The following KCNQ3 variants were observed in gnomAD, a reference collection of about 807,000 sequenced individuals.
KCNQ3 encodes potassium voltage-gated channel subfamily Q member 3.
KCNQ3 carries 30 observed loss-of-function variants against 92.5 expected under a neutral mutation model. The observed-to-expected ratio is 0.32, with a 90% confidence interval of 0.24 to 0.44. The LOEUF (loss-of-function observed/expected upper bound fraction) is 0.44. Ranked by LOEUF, KCNQ3 falls within the 20% of genes least tolerant of loss-of-function variation. KCNQ3 has a pLI of 1.00. For synonymous variants in KCNQ3, 450 were observed against 468.8 expected (o/e 0.96, Z 0.52); for missense variants, 913 against 1,140.3 (o/e 0.80, Z 2.87).
chr8:132,363,359 A>T (rs1819224166), intron 1 of KCNQ3, among the ~76,000 whole-genome samples: 2 of 152,168 alleles, frequency 1.3e-5, no homozygotes. Flanking sequence ...AGTGTTTCCC[A>T]AATTATCTGG....
intron 1 of KCNQ3, among the ~76,000 whole-genome samples, chr8:132,306,160 C>G (rs1341705207): frequency 6.6e-6 from 1 of 152,182 alleles, no homozygotes; most frequent in Non-Finnish European, 1.5e-5. Flanking sequence ...TTCTACTACT[C>G]TGGACTGAAC....
At chr8:132,392,790 C>CAAAAAAAAAAA (rs56183412) in intron 1 of KCNQ3, among the ~76,000 whole-genome samples, 6 of 72,648 alleles carry the variant, frequency 8.3e-5, no homozygotes, top group Non-Finnish European at 1.2e-4. Flanking sequence ...GAACCTGTCT[C>CAAAAAAAAAAA]AAAAAAAAAA....
At chr8:132,218,929 C>T (rs1032363556) in intron 1 of KCNQ3, among the ~76,000 whole-genome samples, 1 of 152,112 alleles carries the variant, frequency 6.6e-6, no homozygotes. Context: ...ACTGTGCATG[C>T]TTTGTTACTG....
intron 1 of KCNQ3, among the ~76,000 whole-genome samples, chr8:132,316,947 G>A (rs983220771): frequency 6.6e-6 from 1 of 152,124 alleles, no homozygotes; most frequent in Non-Finnish European, 1.5e-5. Context: ...CTCTGGACAG[G>A]GGCTGCTGGA....
In KCNQ3 at chr8:132,129,543, G is replaced by T. The variant is rs138852641; in HGVS notation, c.2338C>A (p.Arg780Ser). ...YSDRISPRQR[R>S]SITRDSDTPL... ...GTGTCACTGTCTCGCGTGATGCTACGTCTCTGCCGGGGGGAGATTCGGTCC... is the reference window on the plus strand; with the variant it reads ...GTGTCACTGTCTCGCGTGATGCTACTTCTCTGCCGGGGGGAGATTCGGTCC... The change falls in exon 15 of 15, where the codon CGT (arginine) becomes AGT (serine). Residue 780 changes from arginine to serine, a missense_variant. By Grantham distance (110) the Arg-to-Ser change is moderately radical. Coordinates refer to ENST00000388996, the MANE Select transcript of KCNQ3 (RefSeq NM_004519.4). The surrounding 1 kb of genome is among the most constrained non-coding windows in gnomAD (Gnocchi z 5.9). The T allele has an allele frequency of 6.2e-7, 1 of 1,614,206 alleles. No homozygotes were observed. The highest frequency in any genetic ancestry group is 1.1e-5 in the South Asian group (1 of 91,086).
chr8:132,319,063 G>C (rs917855410), intron 1 of KCNQ3, among the ~76,000 whole-genome samples: 3 of 152,190 alleles, frequency 2.0e-5, no homozygotes, highest in African/African-American at 7.2e-5. Flanking sequence ...TTTAAAAAGT[G>C]GGATAAAGCA....
intron 1 of KCNQ3, among the ~76,000 whole-genome samples, chr8:132,371,948 G>A (rs1309624232): frequency 1.3e-5 from 2 of 152,156 alleles, no homozygotes; most frequent in African/African-American, 2.4e-5. Context: ...GGGGGGATTT[G>A]TAGCAATTTA....
intron 1 of KCNQ3, among the ~76,000 whole-genome samples, chr8:132,307,992 G>A (rs1486013404): frequency 6.6e-6 from 1 of 152,152 alleles, no homozygotes; most frequent in Non-Finnish European, 1.5e-5. Context: ...CCCGGAGGAT[G>A]GCAACCCTTG....
intron 1 of KCNQ3, among the ~76,000 whole-genome samples, chr8:132,272,014 C>T (rs1025767998): frequency 3.9e-5 from 6 of 152,138 alleles, no homozygotes; most frequent in Admixed American, 2.0e-4. Flanking sequence ...GAAGCAGAAC[C>T]GAGACATTTT....
chr8:132,399,892 G>A (rs1481480011), intron 1 of KCNQ3, among the ~76,000 whole-genome samples: 2 of 152,216 alleles, frequency 1.3e-5, no homozygotes, highest in Non-Finnish European at 1.5e-5. Context: ...CATCAGAGGA[G>A]TTAAGAAAGG....
At chr8:132,384,756 C>G (rs1048543782) in intron 1 of KCNQ3, among the ~76,000 whole-genome samples, 1 of 152,190 alleles carries the variant, frequency 6.6e-6, no homozygotes, top group African/African-American at 2.4e-5. Flanking sequence ...TAAAGTCACA[C>G]AGTTTAGGTT....
At chr8:132,136,695 A>G (rs1306443110) in intron 12 of KCNQ3, among the ~76,000 whole-genome samples, 1 of 152,206 alleles carries the variant, frequency 6.6e-6, no homozygotes, top group Non-Finnish European at 1.5e-5. Flanking sequence ...CACACATGAC[A>G]TATAAACATA....
chr8:132,279,997 G>A (rs915828138), intron 1 of KCNQ3, among the ~76,000 whole-genome samples: 2 of 152,096 alleles, frequency 1.3e-5, no homozygotes, highest in East Asian at 3.9e-4. Flanking sequence ...TGTTTATTCA[G>A]CATAATTTAC....
At chr8:132,268,431 G>A (rs376022318) in intron 1 of KCNQ3, among the ~76,000 whole-genome samples, 1 of 152,008 alleles carries the variant, frequency 6.6e-6, no homozygotes. Flanking sequence ...GCTAAATTTT[G>A]TATTTTTAGT....
chr8:132,452,062 G>T (rs776571443), intron 1 of KCNQ3, among the ~76,000 whole-genome samples: 32 of 152,036 alleles, frequency 2.1e-4, no homozygotes, highest in Admixed American at 9.2e-4. Flanking sequence ...TGGGTTTTTC[G>T]TTTGTTTGTC....
chr8:132,284,338 A>G (rs1021730570), intron 1 of KCNQ3, among the ~76,000 whole-genome samples: 4 of 152,198 alleles, frequency 2.6e-5, no homozygotes, highest in Admixed American at 2.6e-4. Context: ...CTCAGAAAGA[A>G]GAAACTCAAG....
intron 1 of KCNQ3, among the ~76,000 whole-genome samples, chr8:132,229,832 A>G (rs1049706630): frequency 4.6e-5 from 7 of 152,174 alleles, no homozygotes; most frequent in Admixed American, 1.3e-4. Context: ...GGTGGAGAGA[A>G]GCCCTAGGCT....
intron 12 of KCNQ3, among the ~76,000 whole-genome samples, chr8:132,135,917 C>G (rs537030094): frequency 6.6e-6 from 1 of 151,698 alleles, no homozygotes; most frequent in Non-Finnish European, 1.5e-5. Context: ...GTCAGAAGTT[C>G]GAGATCAGCC....
At chr8:132,142,600 A>G (rs1222665877) in intron 9 of KCNQ3, among the ~76,000 whole-genome samples, 1 of 152,156 alleles carries the variant, frequency 6.6e-6, no homozygotes, top group Admixed American at 6.5e-5. Context: ...GCCCAGTGGT[A>G]TACTCAATGC....
Sources: allele counts gnomAD v4.1 joint callset (sites outside exome capture counted in the v4.1 genomes callset), GRCh38; gene constraint gnomAD v4.1.1; non-coding constraint Gnocchi (gnomAD v3.1); transcripts MANE v1.5; gene names NCBI Gene and HGNC (gene_info 2026-07-23, HGNC 2026-07-21).